GALNT5: variants seen among roughly 807,000 people sequenced by gnomAD.
GALNT5 encodes polypeptide N-acetylgalactosaminyltransferase 5.
A neutral mutation model predicts 85.4 loss-of-function variants in GALNT5; 72 were observed. The ratio of observed to expected loss-of-function variants is 0.84; its 90% CI spans 0.70 to 1.03. The LOEUF is 1.03. Among genes scored for constraint, GALNT5 ranks in the 50% least tolerant of loss-of-function variants. GALNT5 has a pLI of 0.00. For synonymous variants in GALNT5, 404 were observed against 397.0 expected (o/e 1.02, Z -0.21); for missense variants, 1,137 against 1,135.5 (o/e 1.00, Z -0.02).
chr2:157,296,011 A>G (rs548150716), intron 4 of GALNT5, among the ~76,000 whole-genome samples: 28 of 152,302 alleles, frequency 1.8e-4, no homozygotes, highest in African/African-American at 6.5e-4. Context: ...TCTTAACTCT[A>G]AATACCAATA....
At chr2:157,289,092 T>C (rs1683037769) in intron 3 of GALNT5, among the ~76,000 whole-genome samples, 1 of 152,100 alleles carries the variant, frequency 6.6e-6, no homozygotes, top group Admixed American at 6.5e-5. Context: ...GAAAGTAGAA[T>C]ACAGAACCAA....
At position 157,316,192 on chromosome 2, in the gene GALNT5, A is replaced by G. The variant is rs1325600416; in HGVS notation, c.*4844A>G. ...AGGAAAAGGGAGCAGGAATCACCAT[A>G]TTGAATGTGCCTGGCTTCCAGGTAC... On this transcript the variant is annotated 3_prime_UTR_variant, in exon 10 of 10. Transcript: ENST00000259056. Among the ~76,000 whole-genome samples the G allele has an allele frequency of 1.3e-5, 2 of 152,096 alleles. No homozygotes were observed. The highest frequency in any genetic ancestry group is 2.9e-5 in the Non-Finnish European group (2 of 68,016).
intron 1 of GALNT5, among the ~76,000 whole-genome samples, chr2:157,278,373 G>A (rs1283051406): frequency 6.6e-6 from 1 of 151,568 alleles, no homozygotes; most frequent in Non-Finnish European, 1.5e-5. Flanking sequence ...TGGCTAGGTT[G>A]GGGACATTCT....
chr2:157,292,334 C>T (rs1683119223), intron 3 of GALNT5, among the ~76,000 whole-genome samples: 2 of 152,122 alleles, frequency 1.3e-5, no homozygotes, highest in African/African-American at 4.8e-5. Flanking sequence ...CAGAGAGCTC[C>T]CTGTTTTCTC....
At chr2:157,285,470 A>T (rs567194019) in intron 2 of GALNT5, among the ~76,000 whole-genome samples, 2 of 152,318 alleles carry the variant, frequency 1.3e-5, no homozygotes, top group East Asian at 3.9e-4. Flanking sequence ...ACACACAGAA[A>T]TGACTGTAAG....
chr2:157,279,359 C>T (rs969252438), intron 1 of GALNT5, among the ~76,000 whole-genome samples: 12 of 152,244 alleles, frequency 7.9e-5, no homozygotes, highest in Non-Finnish European at 1.2e-4. Flanking sequence ...CTTTTCAGAG[C>T]GGTCAGACAG....
At chr2:157,278,576 C>A (rs187740693) in intron 1 of GALNT5, among the ~76,000 whole-genome samples, 2 of 152,276 alleles carry the variant, frequency 1.3e-5, no homozygotes, top group East Asian at 3.9e-4. Flanking sequence ...TCTTCAATCA[C>A]TGATACCCTT....
chr2:157,262,919 CG>C (rs1488378362), intron 1 of GALNT5, among the ~76,000 whole-genome samples: 11 of 147,688 alleles, frequency 7.4e-5, no homozygotes, highest in Non-Finnish European at 1.3e-4. Flanking sequence ...ACTCCGCCTC[CG>C]GGGTTCACAC....
At chr2:157,296,130 T>A (rs369898291) in intron 4 of GALNT5, among the ~76,000 whole-genome samples, 34 of 112,342 alleles carry the variant, frequency 3.0e-4, no homozygotes, top group African/African-American at 9.6e-4. Context: ...ATATGTGCTT[T>A]TAAGTTGCTC....
At chr2:157,261,995 A>T (rs1682351678) in intron 1 of GALNT5, among the ~76,000 whole-genome samples, 1 of 152,028 alleles carries the variant, frequency 6.6e-6, no homozygotes, top group Non-Finnish European at 1.5e-5. Context: ...TGTGTGTGAA[A>T]GAAAGAGAGA....
intron 1 of GALNT5, among the ~76,000 whole-genome samples, chr2:157,261,316 C>T (rs148158574): frequency 3.4e-4 from 52 of 152,306 alleles, no homozygotes; most frequent in African/African-American, 1.2e-3. Flanking sequence ...CAAGTAATAA[C>T]GATGTTATCA....
intron 2 of GALNT5, among the ~76,000 whole-genome samples, chr2:157,284,983 T>A (rs1682940216): frequency 6.6e-6 from 1 of 152,260 alleles, no homozygotes; most frequent in Non-Finnish European, 1.5e-5. Flanking sequence ...CCATAGCCTT[T>A]ATGTTCATTT....
intron 9 of GALNT5, among the ~76,000 whole-genome samples, chr2:157,310,463 T>C (rs940673363): frequency 6.6e-6 from 1 of 152,206 alleles, no homozygotes; most frequent in African/African-American, 2.4e-5. Context: ...AATACTTTTG[T>C]AGCAGCAATC....
chr2:157,278,867 A>G, intron 1 of GALNT5, among the ~76,000 whole-genome samples: 1 of 152,084 alleles, frequency 6.6e-6, no homozygotes, highest in East Asian at 1.9e-4. Flanking sequence ...GCTGGCTAGG[A>G]GCTGCAATCC....
In GALNT5 at chr2:157,316,549, T is replaced by C. The variant is rs933761945; in HGVS notation, c.*5201T>C. The stretch of plus-strand genomic sequence containing the variant: ...TACTCATTGTGTAGGTTGTCACTAC[T>C]GTGCTTTTGCAACAACTTTTGCATG... On this transcript the variant is annotated 3_prime_UTR_variant, in exon 10 of 10. Transcript: ENST00000259056. Among the ~76,000 whole-genome samples, 1 of 152,190 alleles carries C rather than the reference T, an allele frequency of 6.6e-6. No homozygotes were observed. Among genetic ancestry groups the C allele is most frequent in the Non-Finnish European group, 1.5e-5 (1 of 68,036 alleles).
At chr2:157,267,020 A>G (rs16841448) in intron 1 of GALNT5, among the ~76,000 whole-genome samples, 1,762 of 152,310 alleles carry the variant, frequency 0.012, 36 homozygotes, top group African/African-American at 0.04. Context: ...CTGCTACTGC[A>G]AAGTATGGCA....
rs770550252 is a variant in GALNT5, at chr2:157,258,573, C to T, written c.491C>T (p.Thr164Ile). 3 of 1,613,406 alleles carry T rather than the reference C, an allele frequency of 1.9e-6. No homozygotes were observed. In the African/African-American group the frequency reaches 4.0e-5, roughly 22 times the overall value. ...CACCAGGGGACACCAAAGCAAACGA[C>T]AGCTCAGGGGGCTCCAAAGACCTCA... ...SSHQGTPKQTTAQGAPKTSFI... is the reference protein window; with the variant it reads ...SSHQGTPKQTIAQGAPKTSFI... The change falls in exon 1 of 10, where the codon ACA (threonine) becomes ATA (isoleucine). Residue 164 changes from threonine (T) to isoleucine (I), a missense_variant. Transcript: ENST00000259056.
chr2:157,263,102 C>A (rs1312874917), intron 1 of GALNT5, among the ~76,000 whole-genome samples: 1 of 151,664 alleles, frequency 6.6e-6, no homozygotes, highest in Non-Finnish European at 1.5e-5. Flanking sequence ...GCTGGGATTG[C>A]AGGCGTGAGC....
intron 7 of GALNT5, among the ~76,000 whole-genome samples, chr2:157,302,980 A>G (rs1206373947): frequency 2.6e-5 from 4 of 152,264 alleles, no homozygotes; most frequent in African/African-American, 4.8e-5. Flanking sequence ...ACAACAAATT[A>G]AGTAGATCAT....
Sources: allele counts gnomAD v4.1 joint callset (sites outside exome capture counted in the v4.1 genomes callset), GRCh38; gene constraint gnomAD v4.1.1; transcripts MANE v1.5; gene names NCBI Gene and HGNC (gene_info 2026-07-23, HGNC 2026-07-21).